The following NKAIN2 variants were observed in gnomAD, a reference collection of about 807,000 sequenced individuals.
NKAIN2 encodes sodium/potassium-transporting ATPase subunit beta-1-interacting protein 2.
A neutral mutation model predicts 32.6 loss-of-function variants in NKAIN2; 14 were observed. The ratio of observed to expected loss-of-function variants is 0.43; its 90% CI spans 0.28 to 0.67. The LOEUF is 0.67. Among genes scored for constraint, NKAIN2 ranks in the 30% least tolerant of loss-of-function variants. NKAIN2 has a pLI of 0.17. For missense variants in NKAIN2, 198 were observed against 258.3 expected (o/e 0.77, Z 1.60); for synonymous variants, 80 against 87.2 (o/e 0.92, Z 0.46).
At chr6:124,006,496 G>C (rs1203582670) in intron 1 of NKAIN2, among the ~76,000 whole-genome samples, 1 of 152,172 alleles carries the variant, frequency 6.6e-6, no homozygotes, top group African/African-American at 2.4e-5. Context: ...CGGTGCATGT[G>C]ACATAAATGT....
intron 2 of NKAIN2, among the ~76,000 whole-genome samples, chr6:124,328,662 A>G (rs529223230): frequency 4.1e-4 from 63 of 152,340 alleles, no homozygotes; most frequent in Admixed American, 2.5e-3. Flanking sequence ...CTCTAAAGCC[A>G]TGGGGGCCTT....
chr6:124,559,606 T>G (rs1278902038), intron 3 of NKAIN2, among the ~76,000 whole-genome samples: 1 of 152,162 alleles, frequency 6.6e-6, no homozygotes, highest in African/African-American at 2.4e-5. Context: ...GGCAATGTGA[T>G]TCTCTTTGGC....
At chr6:124,664,793 C>CAAAAAAAAAAAA (rs57032378) in intron 4 of NKAIN2, among the ~76,000 whole-genome samples, 2 of 40,798 alleles carry the variant, frequency 4.9e-5, no homozygotes, top group African/African-American at 2.0e-4. Flanking sequence ...GACTCCGTCT[C>CAAAAAAAAAAAA]AAAAAAAAAA....
chr6:124,087,598 T>C (rs1784241367), intron 1 of NKAIN2, among the ~76,000 whole-genome samples: 1 of 152,010 alleles, frequency 6.6e-6, no homozygotes, highest in Non-Finnish European at 1.5e-5. Flanking sequence ...TAGATATACA[T>C]GTGTGTAGAG....
intron 1 of NKAIN2, among the ~76,000 whole-genome samples, chr6:124,111,597 TAA>T (rs1785387518): frequency 6.6e-6 from 1 of 152,090 alleles, no homozygotes; most frequent in Admixed American, 6.6e-5. Flanking sequence ...TCCTTAAATC[TAA>T]AGTTTCTTTT....
chr6:123,874,699 T>C (rs921807798), intron 1 of NKAIN2, among the ~76,000 whole-genome samples: 1 of 152,160 alleles, frequency 6.6e-6, no homozygotes, highest in African/African-American at 2.4e-5. Context: ...AAAGGGTTCA[T>C]AAAAATTGAA....
chr6:124,064,342 T>A (rs564295697), intron 1 of NKAIN2, among the ~76,000 whole-genome samples: 1 of 152,324 alleles, frequency 6.6e-6, no homozygotes, highest in South Asian at 2.1e-4. Flanking sequence ...GCTAAAAAAA[T>A]GTGAAATTTT....
At chr6:124,731,452 C>T (rs1215132919) in intron 4 of NKAIN2, among the ~76,000 whole-genome samples, 2 of 147,572 alleles carry the variant, frequency 1.4e-5, no homozygotes, top group East Asian at 4.1e-4. Context: ...AGTAAACTAT[C>T]GCAAGAACAA....
At chr6:124,008,446 C>G (rs1290006428) in intron 1 of NKAIN2, among the ~76,000 whole-genome samples, 1 of 151,890 alleles carries the variant, frequency 6.6e-6, no homozygotes, top group Non-Finnish European at 1.5e-5. Context: ...TAAGTATGTG[C>G]AAGTGCTATG....
intron 3 of NKAIN2, among the ~76,000 whole-genome samples, chr6:124,372,605 T>C (rs1054984770): frequency 2.0e-5 from 3 of 152,180 alleles, no homozygotes; most frequent in African/African-American, 4.8e-5. Context: ...TATTAAAAAA[T>C]ACTTTACCCT....
chr6:124,728,871 G>A (rs1776481868), intron 4 of NKAIN2, among the ~76,000 whole-genome samples: 7 of 149,030 alleles, frequency 4.7e-5, no homozygotes, highest in South Asian at 2.2e-4. Flanking sequence ...AATGATAAAG[G>A]GGATATCACC....
At chr6:124,079,178 C>G (rs987293021) in intron 1 of NKAIN2, among the ~76,000 whole-genome samples, 17 of 151,842 alleles carry the variant, frequency 1.1e-4, no homozygotes, top group African/African-American at 4.1e-4. Flanking sequence ...AAAAATTAGG[C>G]GTGATGGCAC....
At chr6:123,858,147 G>A (rs774495299) in intron 1 of NKAIN2, among the ~76,000 whole-genome samples, 26 of 149,430 alleles carry the variant, frequency 1.7e-4, no homozygotes, top group Non-Finnish European at 2.8e-4. Context: ...AGGGATACTC[G>A]CTCTGTCGCC....
At chr6:123,827,358 CAACTCTGGAAT>C in intron 1 of NKAIN2, among the ~76,000 whole-genome samples, 1 of 152,238 alleles carries the variant, frequency 6.6e-6, no homozygotes, top group Admixed American at 6.5e-5. Flanking sequence ...GCCCCCAGAA[CAACTCTGGAAT>C]AACTTTGCAG....
At chr6:124,680,072 A>G (rs1773544219) in intron 4 of NKAIN2, among the ~76,000 whole-genome samples, 2 of 152,320 alleles carry the variant, frequency 1.3e-5, no homozygotes, top group East Asian at 1.9e-4. Context: ...TATATTTTCT[A>G]TTAGGCAATA....
chr6:124,452,963 C>A (rs62437472), intron 3 of NKAIN2, among the ~76,000 whole-genome samples: 7,820 of 152,036 alleles, frequency 0.051, 290 homozygotes, highest in Non-Finnish European at 0.066. Context: ...AGCAGTAGTT[C>A]TTCATTAGAA....
intron 3 of NKAIN2, among the ~76,000 whole-genome samples, chr6:124,541,210 T>C (rs964769011): frequency 6.6e-6 from 1 of 152,222 alleles, no homozygotes; most frequent in Non-Finnish European, 1.5e-5. Flanking sequence ...TACTTTTTAC[T>C]GATTCATTAA....
intron 5 of NKAIN2, among the ~76,000 whole-genome samples, chr6:124,815,678 C>T (rs1781133391): frequency 6.9e-6 from 1 of 144,096 alleles, no homozygotes; most frequent in South Asian, 2.3e-4. Context: ...ACAAAAGAGG[C>T]AATGTAGAAG....
chr6:124,218,703 A>G (rs1440003771), intron 1 of NKAIN2, among the ~76,000 whole-genome samples: 3 of 152,214 alleles, frequency 2.0e-5, no homozygotes, highest in African/African-American at 4.8e-5. Context: ...CTAATCAATT[A>G]TAGTAAGTTG....
Sources: allele counts gnomAD v4.1 joint callset (sites outside exome capture counted in the v4.1 genomes callset), GRCh38; gene constraint gnomAD v4.1.1; transcripts MANE v1.5; gene names NCBI Gene and HGNC (gene_info 2026-07-23, HGNC 2026-07-21).